The following PLCG2 variants were observed in gnomAD, a reference collection of about 807,000 sequenced individuals.
PLCG2 encodes 1-phosphatidylinositol 4,5-bisphosphate phosphodiesterase gamma-2.
Under a neutral mutation model 175.6 loss-of-function variants are expected in PLCG2, and 69 were observed. The ratio of observed to expected loss-of-function variants is 0.39; its 90% CI spans 0.32 to 0.48. The LOEUF (loss-of-function observed/expected upper bound fraction) is 0.48, where lower values mean the gene tolerates loss of function less well. PLCG2 is among the 20% of genes least tolerant of loss of function. The pLI is 0.91. For synonymous variants in PLCG2, 827 were observed against 624.0 expected (o/e 1.33, Z -4.85); for missense variants, 1,798 against 1,650.9 (o/e 1.09, Z -1.54).
intron 2 of PLCG2, among the ~76,000 whole-genome samples, chr16:81,817,505 G>A (rs1465067846): frequency 3.9e-5 from 6 of 152,222 alleles, no homozygotes; most frequent in Admixed American, 2.0e-4. Context: ...AACGCCTTTT[G>A]TCAGCTGTGT....
chr16:81,781,820 C>A (rs188847492), intron 1 of PLCG2, among the ~76,000 whole-genome samples: 1 of 152,024 alleles, frequency 6.6e-6, no homozygotes, highest in Admixed American at 6.6e-5. Context: ...ACAAAAACTT[C>A]CTTGATTTCT....
intron 5 of PLCG2, among the ~76,000 whole-genome samples, chr16:81,867,728 T>G (rs3934985): frequency 2.0e-5 from 3 of 150,860 alleles, no homozygotes; most frequent in African/African-American, 4.9e-5. Flanking sequence ...GATGGAGTCT[T>G]GCTCTGTCAC....
intron 9 of PLCG2, among the ~76,000 whole-genome samples, chr16:81,885,254 C>T (rs1329846179): frequency 1.3e-5 from 2 of 152,056 alleles, no homozygotes; most frequent in Admixed American, 6.5e-5. Context: ...GAACTCCTGG[C>T]CTCAGGTGAT....
chr16:81,893,176 A>G (rs1376817536), intron 11 of PLCG2, among the ~76,000 whole-genome samples: 1 of 152,168 alleles, frequency 6.6e-6, no homozygotes, highest in African/African-American at 2.4e-5. Context: ...ACAAATTTTA[A>G]AAAAGTTGGG....
Position 81,902,669 on chromosome 16 carries a change from C to T in PLCG2, c.1362+1889C>T, listed in dbSNP as rs56104329. On this transcript the variant is annotated intron_variant, in intron 14 of 32. Transcript: ENST00000564138. ...TTCATAAAAGCTCTACCCTCATTCCCGTTCATGAGGACTCTACCCTCATGA... is the reference window on the plus strand; with the variant it reads ...TTCATAAAAGCTCTACCCTCATTCCTGTTCATGAGGACTCTACCCTCATGA... Among the ~76,000 whole-genome samples, 1,275 of 152,146 alleles carry T rather than the reference C, an allele frequency of 8.4e-3. 20 individuals are homozygous for T. Among genetic ancestry groups the T allele is most frequent in the African/African-American group, 0.03 (1,231 of 41,488 alleles).
intron 25 of PLCG2, 67 bp downstream of exon 25, chr16:81,931,721 CTG>C: frequency 6.9e-7 from 1 of 1,458,090 alleles, no homozygotes; most frequent in Non-Finnish European, 9.5e-7. Flanking sequence ...TCAGTTGGGA[CTG>C]TGGGTGGGTC....
chr16:81,838,095 T>C (rs975578710), intron 2 of PLCG2, among the ~76,000 whole-genome samples: 2 of 152,258 alleles, frequency 1.3e-5, no homozygotes, highest in African/African-American at 2.4e-5. Flanking sequence ...TCTTTTTTTT[T>C]TGAGGCGGAG....
At chr16:81,874,684 G>T (rs1288811575) in intron 7 of PLCG2, among the ~76,000 whole-genome samples, 2 of 152,160 alleles carry the variant, frequency 1.3e-5, no homozygotes, top group East Asian at 1.9e-4. Flanking sequence ...CAGGGAGTGG[G>T]TTCATGCTTA....
chr16:81,789,675 A>T (rs890290626), intron 2 of PLCG2, among the ~76,000 whole-genome samples: 3 of 152,012 alleles, frequency 2.0e-5, no homozygotes, highest in Non-Finnish European at 2.9e-5. Context: ...ATATTTCACC[A>T]CTTTGGCTGG....
chr16:81,765,961 A>G (rs894181897), intron 2 of PLCG2, among the ~76,000 whole-genome samples: 1 of 152,186 alleles, frequency 6.6e-6, no homozygotes, highest in South Asian at 2.1e-4. Flanking sequence ...AGATGCAGGC[A>G]TTTGCTGTGA....
chr16:81,933,490 C>T (rs1055273388), intron 25 of PLCG2, among the ~76,000 whole-genome samples: 5 of 152,236 alleles, frequency 3.3e-5, no homozygotes, highest in Admixed American at 3.3e-4. Flanking sequence ...TCCAGAGCCT[C>T]ACCAACTGTA....
At chr16:81,876,089 A>T (rs571740589) in intron 7 of PLCG2, among the ~76,000 whole-genome samples, 5 of 144,856 alleles carry the variant, frequency 3.5e-5, no homozygotes, top group Admixed American at 2.2e-4. Flanking sequence ...GCAGTGGTAC[A>T]ATCATGGCTC....
chr16:81,898,392 C>T (rs1187700048), intron 13 of PLCG2: 1 of 152,514 alleles, frequency 6.6e-6, no homozygotes, highest in Non-Finnish European at 1.5e-5. Context: ...ACTAGGTAGC[C>T]TTTGTTGTAA....
intron 2 of PLCG2, among the ~76,000 whole-genome samples, chr16:81,811,942 A>C (rs7405168): frequency 1 from 151,539 of 152,254 alleles, 75,414 homozygotes; most frequent in East Asian, 1. Flanking sequence ...GAGGAATTGC[A>C]ACGCTGTCTT....
intron 31 of PLCG2, 26 bp downstream of exon 31, chr16:81,946,289 G>A: frequency 6.4e-7 from 1 of 1,559,118 alleles, no homozygotes; most frequent in Non-Finnish European, 8.8e-7. Flanking sequence ...CCAGTTAAGG[G>A]TTCCCTGAGC....
intron 2 of PLCG2, among the ~76,000 whole-genome samples, chr16:81,791,830 G>T (rs751051161): frequency 1.3e-5 from 2 of 152,166 alleles, no homozygotes; most frequent in Admixed American, 6.5e-5. Context: ...CTCCCAAAGT[G>T]CTGGGATTAC....
rs538559422 is a variant in PLCG2, at chr16:81,940,168, C to G, written c.3481+109C>G. The G allele has an allele frequency of 2.7e-3, 2,629 of 962,794 alleles. 10 individuals carry two copies. Among genetic ancestry groups the G allele is most frequent in the Non-Finnish European group, 3.6e-3 (2,293 of 634,040 alleles). The allele number at this position is 962,794 out of a possible 1,614,324, so 59.6% of individuals were successfully genotyped here. On this transcript the variant is annotated intron_variant, in intron 30 of 32. Coordinates refer to ENST00000564138, the MANE Select transcript of PLCG2 (RefSeq NM_002661.5). ...TGATTTTTCCTGGTTTGGATGGAAT[C>G]ACTGTAAAACCGATTGGGTGGCTTG...
intron 1 of PLCG2, among the ~76,000 whole-genome samples, chr16:81,755,669 G>A (rs1909906702): frequency 6.6e-6 from 1 of 151,962 alleles, no homozygotes; most frequent in African/African-American, 2.4e-5. Flanking sequence ...GGGATTACAG[G>A]CACCCGCCAC....
intron 2 of PLCG2, among the ~76,000 whole-genome samples, chr16:81,816,514 G>C (rs187105394): frequency 6.7e-6 from 1 of 150,160 alleles, no homozygotes; most frequent in East Asian, 1.9e-4. Context: ...GTCTCATTCT[G>C]TTGCCCAGGT....
Sources: allele counts gnomAD v4.1 joint callset (sites outside exome capture counted in the v4.1 genomes callset), GRCh38; gene constraint gnomAD v4.1.1; transcripts MANE v1.5; gene names NCBI Gene and HGNC (gene_info 2026-07-23, HGNC 2026-07-21).